Variants in LIMK2 observed in about 807,000 individuals in gnomAD.
LIMK2 encodes the protein LIM domain kinase 2.
LIMK2 carries 35 observed loss-of-function variants against 75.7 expected under a neutral mutation model. That is an observed-to-expected ratio of 0.46 (90% confidence interval 0.35 to 0.61). LIMK2 has a LOEUF of 0.61. Among genes scored for constraint, LIMK2 ranks in the 20% least tolerant of loss-of-function variants. LIMK2 has a pLI of 0.00. For synonymous variants in LIMK2, 301 were observed against 319.2 expected (o/e 0.94, Z 0.61); for missense variants, 623 against 831.0 (o/e 0.75, Z 3.08).
At chr22:31,249,487 T>C (rs1371212584) in intron 2 of LIMK2, among the ~76,000 whole-genome samples, 2 of 152,178 alleles carry the variant, frequency 1.3e-5, no homozygotes, top group Non-Finnish European at 2.9e-5. Context: ...GTGGAAACTC[T>C]ACCTCTAACC....
chr22:31,272,765 C>T, intron 13 of LIMK2, 61 bp downstream of exon 13: 1 of 1,515,454 alleles, frequency 6.6e-7, no homozygotes, highest in South Asian at 1.3e-5. Context: ...GCCCTTGCAT[C>T]AGAGCCCTGG....
chr22:31,262,892 G>C lies in LIMK2; in HGVS notation c.854+101G>C. On this transcript the variant is annotated intron_variant, in intron 7 of 15. Coordinates refer to ENST00000331728, the MANE Select transcript of LIMK2 (RefSeq NM_005569.4). The surrounding 1 kb of genome is among the most constrained non-coding windows in gnomAD (Gnocchi z 5.0). ...TGCAGAGTTAGGAAAGGAACCAGCT[G>C]GCCAGGGACAGACTATGAGGATTGT... 1.8e-6 allele frequency: 2 copies of C among 1,093,198 alleles called. No homozygotes were observed. Among genetic ancestry groups the C allele is most frequent in the African/African-American group, 1.6e-5 (1 of 62,686 alleles). The allele number at this position is 1,093,198 out of a possible 1,614,324, so 67.7% of individuals were successfully genotyped here. A position where few individuals can be genotyped will look rare whatever the true frequency, so the allele number is the denominator to read the frequency against.
intron 2 of LIMK2, among the ~76,000 whole-genome samples, chr22:31,254,203 C>G (rs2048753830): frequency 6.6e-6 from 1 of 152,256 alleles, no homozygotes; most frequent in South Asian, 2.1e-4. Context: ...CTGGCCAGAG[C>G]TACTTGCAGC....
At chr22:31,273,905 C>A (rs892187496) in intron 14 of LIMK2, among the ~76,000 whole-genome samples, 17 of 151,900 alleles carry the variant, frequency 1.1e-4, no homozygotes, top group Non-Finnish European at 2.2e-4. Flanking sequence ...ACCATGTTGG[C>A]CAGGCTGGTC....
Position 31,259,946 on chromosome 22 carries a change from G to T in LIMK2, c.420G>T (p.Glu140Asp). Reference protein sequence around the residue: ...LAPMFERLSTESVQEQLPYSV... With the variant: ...LAPMFERLSTDSVQEQLPYSV... ...CCATGTTTGAGAGACTCTCCACAGA[G>T]TCTGTTCAGGAGCAGCTGCCCTACT... Residue 140 changes from glutamate (E) to aspartate (D), a missense_variant, in exon 5 of 16, where the codon GAG (glutamate) becomes GAT (aspartate). Glu to Asp is a conservative substitution (Grantham distance 45). Around this residue, in one of 3 missense-constraint regions of LIMK2, gnomAD observed 514 missense variants for 661.3 expected, o/e 0.78. Coordinates refer to ENST00000331728, the MANE Select transcript of LIMK2 (RefSeq NM_005569.4). The T allele has an allele frequency of 1.2e-6, 2 of 1,611,138 alleles. No individual in the cohort carries two copies.
chr22:31,243,902 C>T (rs2048644327), intron 2 of LIMK2, among the ~76,000 whole-genome samples: 1 of 152,220 alleles, frequency 6.6e-6, no homozygotes, highest in African/African-American at 2.4e-5. Context: ...TGGGTCTGAG[C>T]AGCCAGCAGC....
chr22:31,255,968 T>G (rs2048774174), intron 2 of LIMK2, among the ~76,000 whole-genome samples: 1 of 144,562 alleles, frequency 6.9e-6, no homozygotes, highest in African/African-American at 2.5e-5. Context: ...GAGTTTCTAC[T>G]ATATTGGGTC....
At position 31,262,875 on chromosome 22, in the gene LIMK2, T is replaced by C; in HGVS notation, c.854+84T>C. On this transcript the variant is annotated intron_variant, in intron 7 of 15. Transcript: ENST00000331728. The surrounding 1 kb of genome is among the most constrained non-coding windows in gnomAD (Gnocchi z 5.0). ...GCTGGCTTTCAGAAGCCTGCAGAGTTAGGAAAGGAACCAGCTGGCCAGGGA... is the reference window on the plus strand; with the variant it reads ...GCTGGCTTTCAGAAGCCTGCAGAGTCAGGAAAGGAACCAGCTGGCCAGGGA... 1.6e-6 allele frequency: 2 copies of C among 1,257,472 alleles called. No homozygotes were observed. The highest frequency in any genetic ancestry group is 3.2e-5 in the South Asian group (2 of 63,136). The allele number at this position is 1,257,472 out of a possible 1,614,324, so 77.9% of individuals were successfully genotyped here.
intron 1 of LIMK2, among the ~76,000 whole-genome samples, chr22:31,223,708 T>A (rs1280177023): frequency 6.6e-6 from 1 of 152,200 alleles, no homozygotes; most frequent in African/African-American, 2.4e-5. Context: ...CCTTGGAGTT[T>A]GTGAGAGAGA....
chr22:31,248,824 G>A, intron 2 of LIMK2: 1 of 1,581,822 alleles, frequency 6.3e-7, no homozygotes, highest in Non-Finnish European at 8.7e-7. Context: ...GGTCCTGAGA[G>A]GAGGGTGGTC....
chr22:31,254,597 G>A (rs2048758499), intron 2 of LIMK2, among the ~76,000 whole-genome samples: 1 of 152,216 alleles, frequency 6.6e-6, no homozygotes, highest in Admixed American at 6.5e-5. Flanking sequence ...CAGGAGGCAA[G>A]AAGGAAGCCC....
chr22:31,273,052 G>A, intron 13 of LIMK2: 1 of 1,118,096 alleles, frequency 8.9e-7, no homozygotes, highest in Middle Eastern at 3.9e-4. Flanking sequence ...ACCAACCAGA[G>A]ATGCTGGTTG....
At chr22:31,267,522 A>C (rs544398000) in intron 9 of LIMK2, among the ~76,000 whole-genome samples, 9 of 152,136 alleles carry the variant, frequency 5.9e-5, no homozygotes, top group African/African-American at 2.2e-4. Flanking sequence ...TGGTCTGGGT[A>C]TTGCCCTCCA....
chr22:31,220,509 T>G lies in LIMK2; in HGVS notation c.17-5211T>G, dbSNP rs1293357694. On this transcript the variant is annotated intron_variant, in intron 1 of 15. Coordinates refer to ENST00000331728, the MANE Select transcript of LIMK2 (RefSeq NM_005569.4). The stretch of plus-strand genomic sequence containing the variant: ...AGATACAGTTCTTACACCTTAGTTC[T>G]CTGAATGGGGTGTGGGGGAGGAGAG... Among the ~76,000 whole-genome samples, 3 of 152,156 alleles carry G rather than the reference T, an allele frequency of 2.0e-5. No individual in the cohort carries two copies. In the East Asian group the frequency reaches 5.8e-4, roughly 29 times the overall value.
In LIMK2 at chr22:31,267,963, GCTATCACTACC is replaced by G. The variant is rs1168581225; in HGVS notation, c.1260+60_1260+70del. On this transcript the variant is annotated intron_variant, in intron 10 of 15. Transcript: ENST00000331728. ...CCTTGGTGGGTTGTCAGACACCTATGCTATCACTACCCTAGGAGCTTAAAGGGCAGAGGGGC... is the reference window on the plus strand; with the variant it reads ...CCTTGGTGGGTTGTCAGACACCTATGCTAGGAGCTTAAAGGGCAGAGGGGC... 3 of 1,574,010 alleles carry G rather than the reference GCTATCACTACC, an allele frequency of 1.9e-6. No homozygotes were observed. The African/African-American group carries it at 4.1e-5, about 21-fold the overall frequency.
At chr22:31,222,831 A>G (rs1309679162) in intron 1 of LIMK2, 1 of 152,120 alleles carries the variant, frequency 6.6e-6, no homozygotes, top group Non-Finnish European at 1.5e-5. Flanking sequence ...ATTTTAATGT[A>G]TGTGCTGCTG....
In LIMK2 at chr22:31,267,841, TAAG is replaced by T. The variant is rs765231332; in HGVS notation, c.1198_1200del (p.Lys400del). On this transcript the variant is annotated inframe_deletion, in exon 10 of 16. Transcript: ENST00000331728. ...AGTTCATTGGTGTGCTGTACAAGGA[TAAG>T]AAGCTGAACCTCCTGACAGAGTACA... 6.2e-7 allele frequency: 1 copy of T among 1,613,380 alleles called. No individual in the cohort carries two copies. Among genetic ancestry groups the T allele is most frequent in the Non-Finnish European group, 8.5e-7 (1 of 1,179,702 alleles).
chr22:31,261,123 C>A (rs1036029734), intron 5 of LIMK2, among the ~76,000 whole-genome samples: 24 of 151,878 alleles, frequency 1.6e-4, no homozygotes, highest in African/African-American at 5.6e-4. Flanking sequence ...GAAGACCAAC[C>A]TGGCCAACAT....
intron 2 of LIMK2, 25 bp downstream of exon 2, chr22:31,225,844 T>C: frequency 6.5e-7 from 1 of 1,541,128 alleles, no homozygotes. Flanking sequence ...CCTCCCATCT[T>C]TACCAGTGTA....
Sources: gnomAD v4.1 joint callset for allele counts (sites outside exome capture counted in the v4.1 genomes callset) on GRCh38, gnomAD v4.1.1 for gene constraint, gnomAD v4.1.1 regional missense constraint, Gnocchi (gnomAD v3.1) non-coding constraint, MANE v1.5 for transcripts, NCBI Gene and HGNC (gene_info 2026-07-23, HGNC 2026-07-21) for gene names.